The following AGPAT3 variants were observed in gnomAD, a reference collection of about 807,000 sequenced individuals.
The protein encoded by AGPAT3 is 1-acyl-sn-glycerol-3-phosphate acyltransferase gamma.
In AGPAT3, 5 loss-of-function variants were observed where a neutral mutation model predicts 47.3. The observed-to-expected ratio is 0.11, with a 90% CI of 0.06 to 0.22. AGPAT3 has a LOEUF of 0.22. Ranked by LOEUF, AGPAT3 falls within the 10% of genes least tolerant of loss-of-function variation. AGPAT3 has a pLI of 1.00. For missense variants in AGPAT3, 315 were observed against 493.0 expected (o/e 0.64, Z 3.42); for synonymous variants, 212 against 208.3 (o/e 1.02, Z -0.15).
At chr21:43,978,299 T>TTTTTG (rs1284044784) in intron 8 of AGPAT3, among the ~76,000 whole-genome samples, 178 bp downstream of exon 8, 2 of 152,168 alleles carry the variant, frequency 1.3e-5, no homozygotes, top group African/African-American at 4.8e-5. Context: ...TTTGTTTTTG[T>TTTTTG]TTTTGTTTTG....
chr21:43,963,606 G>A (rs1346652823), intron 3 of AGPAT3, among the ~76,000 whole-genome samples: 1 of 151,754 alleles, frequency 6.6e-6, no homozygotes, highest in Non-Finnish European at 1.5e-5. Flanking sequence ...TACTGGGGTG[G>A]CTGAGGCAGG....
intron 1 of AGPAT3, 123 bp downstream of exon 1, chr21:43,865,468 C>G (rs997142708): frequency 6.8e-6 from 1 of 146,880 alleles, no homozygotes; most frequent in Admixed American, 6.8e-5. Context: ...GACCTCGGGC[C>G]GCCCGGGGCC....
At chr21:43,873,394 C>T (rs2085665179) in intron 1 of AGPAT3, among the ~76,000 whole-genome samples, 1 of 152,194 alleles carries the variant, frequency 6.6e-6, no homozygotes, top group Admixed American at 6.5e-5. Flanking sequence ...CGCGCACCAG[C>T]AAAACCCATG....
At chr21:43,946,692 G>A (rs1314297978) in intron 2 of AGPAT3, among the ~76,000 whole-genome samples, 4 of 152,140 alleles carry the variant, frequency 2.6e-5, no homozygotes, top group Admixed American at 6.5e-5. Flanking sequence ...AGTAAAAGTA[G>A]TTATTATAAC....
intron 1 of AGPAT3, among the ~76,000 whole-genome samples, chr21:43,887,419 T>C (rs2086004920): frequency 1.3e-5 from 2 of 152,220 alleles, no homozygotes; most frequent in Non-Finnish European, 1.5e-5. Context: ...GGTTGACTAA[T>C]AGATGATATC....
chr21:43,891,603 A>T (rs2086103856), intron 1 of AGPAT3, among the ~76,000 whole-genome samples: 1 of 151,846 alleles, frequency 6.6e-6, no homozygotes, highest in Non-Finnish European at 1.5e-5. Context: ...ACTGCACTCC[A>T]GTCTGGGTGA....
intron 2 of AGPAT3, among the ~76,000 whole-genome samples, chr21:43,956,466 C>T (rs1057482795): frequency 7.9e-5 from 12 of 152,190 alleles, no homozygotes; most frequent in African/African-American, 2.2e-4. Flanking sequence ...GTCTGGAATG[C>T]GTGAGAGGTG....
chr21:43,967,884 G>A (rs943032410), intron 3 of AGPAT3, 62 bp from the exon 4 acceptor site: 11 of 1,542,730 alleles, frequency 7.1e-6, no homozygotes, highest in Middle Eastern at 1.7e-4. Context: ...TCCTGTGGGC[G>A]CTCCCTGACC....
intron 1 of AGPAT3, among the ~76,000 whole-genome samples, chr21:43,893,182 C>T (rs915447551): frequency 2.0e-5 from 3 of 152,186 alleles, no homozygotes; most frequent in East Asian, 1.9e-4. Flanking sequence ...GCAGCTTCTC[C>T]GTGGGCACCT....
rs377094229 is a variant in AGPAT3 at position 43,903,488 on chromosome 21, G to A, written c.-111-469G>A. Among the ~76,000 whole-genome samples the A allele has an allele frequency of 9.1e-4, 139 of 152,348 alleles. 1 individual carries two copies. The Middle Eastern group carries it at 0.024, about 26-fold the overall frequency. On this transcript the variant is annotated intron_variant, in intron 1 of 9. Coordinates refer to ENST00000291572, the MANE Select transcript of AGPAT3 (RefSeq NM_020132.5). ...GCAGGCAGGCTAATGGTCTGCTGGCGGGGGCTGGGCTGGGCTGGATTTTGG... is the reference window on the plus strand; with the variant it reads ...GCAGGCAGGCTAATGGTCTGCTGGCAGGGGCTGGGCTGGGCTGGATTTTGG...
chr21:43,882,917 C>G (rs116929617), intron 1 of AGPAT3, among the ~76,000 whole-genome samples: 1 of 152,230 alleles, frequency 6.6e-6, no homozygotes, highest in African/African-American at 2.4e-5. Flanking sequence ...CATAGCCGCT[C>G]ACTTGTCCTG....
intron 2 of AGPAT3, among the ~76,000 whole-genome samples, chr21:43,940,179 G>T (rs2087608817): frequency 1.3e-5 from 2 of 152,214 alleles, no homozygotes; most frequent in Admixed American, 1.3e-4. Context: ...TCACCCTTTG[G>T]CCAGGCTGAC....
chr21:43,949,715 T>G (rs1170730410), intron 2 of AGPAT3, among the ~76,000 whole-genome samples: 1 of 152,242 alleles, frequency 6.6e-6, no homozygotes, highest in Non-Finnish European at 1.5e-5. Flanking sequence ...TTTTGTATCT[T>G]TCAAGATGTT....
intron 1 of AGPAT3, among the ~76,000 whole-genome samples, chr21:43,889,356 T>A (rs1010807330): frequency 4.0e-5 from 6 of 151,356 alleles, no homozygotes; most frequent in African/African-American, 1.5e-4. Flanking sequence ...TGCCAGGAGG[T>A]TCTGGTTTTT....
At chr21:43,923,808 TC>T (rs1172644945) in intron 2 of AGPAT3, among the ~76,000 whole-genome samples, 2 of 152,124 alleles carry the variant, frequency 1.3e-5, no homozygotes, top group Admixed American at 6.5e-5. Flanking sequence ...TGCACGGGCC[TC>T]CCAGCATGTG....
At position 43,935,680 on chromosome 21, in the gene AGPAT3, A is replaced by G. The variant is rs552119135; in HGVS notation, c.-48-23954A>G. 3.3e-5 allele frequency among the ~76,000 whole-genome samples: 5 copies of G among 152,008 alleles called. No homozygotes were observed. The South Asian group carries it at 1.0e-3, about 32-fold the overall frequency. ...CATTTGGGGAGTCTGTTATTCAGAC[A>G]TGGAAAGGGAACGACTCTCCCAGGA... On this transcript the variant is annotated intron_variant, in intron 2 of 9. Coordinates refer to ENST00000291572, the MANE Select transcript of AGPAT3 (RefSeq NM_020132.5).
intron 1 of AGPAT3, among the ~76,000 whole-genome samples, chr21:43,901,177 T>A (rs1415162784): frequency 6.6e-6 from 1 of 151,938 alleles, no homozygotes; most frequent in Non-Finnish European, 1.5e-5. Flanking sequence ...AGAAAATAAT[T>A]AGCTGGGCAT....
intron 1 of AGPAT3, among the ~76,000 whole-genome samples, chr21:43,903,170 A>G (rs2086398124): frequency 6.6e-6 from 1 of 152,218 alleles, no homozygotes; most frequent in South Asian, 2.1e-4. Context: ...AAGGACAAAT[A>G]GTGTATGATT....
At chr21:43,937,850 C>G (rs534899643) in intron 2 of AGPAT3, among the ~76,000 whole-genome samples, 1 of 152,176 alleles carries the variant, frequency 6.6e-6, no homozygotes, top group Non-Finnish European at 1.5e-5. Context: ...TCCCATGAAA[C>G]CAGATGACTT....
Sources: gnomAD v4.1 joint callset for allele counts (sites outside exome capture counted in the v4.1 genomes callset) on GRCh38, gnomAD v4.1.1 for gene constraint, MANE v1.5 for transcripts, NCBI Gene and HGNC (gene_info 2026-07-23, HGNC 2026-07-21) for gene names.